ZNF189: variants seen among roughly 807,000 people sequenced by gnomAD.
ZNF189 encodes zinc finger protein 189.
ZNF189 carries 33 observed loss-of-function variants against 53.5 expected under a neutral mutation model. The ratio of observed to expected loss-of-function variants is 0.62; its 90% CI spans 0.47 to 0.82. The LOEUF (loss-of-function observed/expected upper bound fraction) is 0.82, where lower values mean the gene tolerates loss of function less well. Ranked by LOEUF, ZNF189 falls within the 40% of genes least tolerant of loss-of-function variation. ZNF189 has a pLI of 0.00. For synonymous variants in ZNF189, 247 were observed against 238.8 expected, an observed-to-expected ratio of 1.03 and a Z score of -0.32; for missense variants, 711 against 753.9, an observed-to-expected ratio of 0.94 and a Z score of 0.67.
chr9:101,409,666 A>G lies in ZNF189; in HGVS notation c.*17A>G, dbSNP rs561264739. On this transcript the variant is annotated 3_prime_UTR_variant, in exon 3 of 3. Transcript: ENST00000339664. ...ATGCAATAAATGTAGAGCAATACAT[A>G]AGCTCAATTTGATTTGAGACTAGTA... 1.9e-6 allele frequency: 3 copies of G among 1,574,496 alleles called. No individual in the cohort carries two copies. The African/African-American group carries it at 4.1e-5, about 21-fold the overall frequency.
Position 101,399,875 on chromosome 9 carries a change from C to T in ZNF189, c.34-9C>T, listed in dbSNP as rs764825482. On this transcript the variant is annotated splice_polypyrimidine_tract_variant and intron_variant, in intron 1 of 2. Coordinates refer to ENST00000339664, the MANE Select transcript of ZNF189 (RefSeq NM_003452.4). The stretch of plus-strand genomic sequence containing the variant: ...ACAGGAACTGACTACAGAAATCATA[C>T]TATTTCAGGGGTTGCTGACATTTGA... 1 of 1,614,000 alleles carries T rather than the reference C, an allele frequency of 6.2e-7. No homozygotes were observed. The highest frequency in any genetic ancestry group is 1.7e-5 in the Admixed American group (1 of 59,992).
rs772971752 is a variant in ZNF189, at chr9:101,408,261, C to G, written c.493C>G (p.Gln165Glu). Residue 165 changes from glutamine to glutamate, a missense_variant, in exon 3 of 3, where the codon CAA becomes GAA. Gln to Glu is a conservative substitution (Grantham distance 29, BLOSUM62 2). Transcript: ENST00000339664. ...TTTTGTCCGCAAGGCCCATTTCATT[C>G]AACATCAAAGGGTCCATACTGGTGA... ...KGFVRKAHFI[Q>E]HQRVHTGEKP... 2 of 1,614,152 alleles carry G rather than the reference C, an allele frequency of 1.2e-6. No homozygotes were observed. Among genetic ancestry groups the G allele is most frequent in the South Asian group, 1.1e-5 (1 of 91,088 alleles).
chr9:101,399,128 A>C lies in ZNF189; in HGVS notation c.-29A>C, dbSNP rs1420243270. ...GGCTCCTTTCCGTGAGGCCGCCCCC[A>C]ATTCCTGCCCCTATTCTCTGCCTGG... is the stretch of plus-strand genomic sequence containing the variant. On this transcript the variant is annotated 5_prime_UTR_variant, in exon 1 of 3. Transcript: ENST00000339664. The C allele has an allele frequency of 1.9e-6, 3 of 1,568,004 alleles. No individual in the cohort carries two copies. Among genetic ancestry groups the C allele is most frequent in the Non-Finnish European group, 2.6e-6 (3 of 1,139,658 alleles).
At chr9:101,399,832 A>G in intron 1 of ZNF189, 52 bp from the exon 2 acceptor site, 1 of 1,611,296 alleles carries the variant, frequency 6.2e-7, no homozygotes, top group Non-Finnish European at 8.5e-7. Flanking sequence ...TTTTAGTGGT[A>G]GAATTGTCCT....
At chr9:101,402,163 AC>A (rs1388999400) in intron 2 of ZNF189, among the ~76,000 whole-genome samples, 2 of 152,100 alleles carry the variant, frequency 1.3e-5, no homozygotes, top group Non-Finnish European at 2.9e-5. Flanking sequence ...TGATCCGCCC[AC>A]CTTGGCCTCC....
rs751076025 is a variant in ZNF189 at position 101,409,071 on chromosome 9, G to A, written c.1303G>A (p.Glu435Lys). Residue 435 changes from glutamate to lysine, a missense_variant, in exon 3 of 3, where the codon GAA becomes AAA. Transcript: ENST00000339664. ...GACTTATCCATACAATGAAACTAAG[G>A]AAAGTTTTGATCCAAATTGCAGTCT... The part of the protein sequence containing the change: ...EKTYPYNETK[E>K]SFDPNCSLVI... 11 of 1,613,790 alleles carry A rather than the reference G, an allele frequency of 6.8e-6. No individual in the cohort carries two copies. The highest frequency in any genetic ancestry group is 1.7e-5 in the Admixed American group (1 of 59,984).
In ZNF189 at chr9:101,399,584, G is replaced by A. The variant is rs1830454506; in HGVS notation, c.34-300G>A. 6 of 1,293,806 alleles carry A rather than the reference G, an allele frequency of 4.6e-6. No individual in the cohort carries two copies. In the South Asian group the frequency reaches 8.8e-5, roughly 19 times the overall value. The allele number at this position is 1,293,806 out of a possible 1,614,324, so 80.1% of individuals were successfully genotyped here. ...GAATTGAATAGAGTCACAAGCCAGTGCAAATGGAAAATTGAAGTAGGCAAT... is the reference window on the plus strand; with the variant it reads ...GAATTGAATAGAGTCACAAGCCAGTACAAATGGAAAATTGAAGTAGGCAAT... On this transcript the variant is annotated intron_variant, in intron 1 of 2. Coordinates refer to ENST00000339664, the MANE Select transcript of ZNF189 (RefSeq NM_003452.4).
chr9:101,406,874 T>C (rs988380296), intron 2 of ZNF189, among the ~76,000 whole-genome samples: 3 of 152,210 alleles, frequency 2.0e-5, no homozygotes, highest in African/African-American at 4.8e-5. Context: ...CTTCAACACA[T>C]GCAAGATTTT....
chr9:101,399,229 G>T (rs571045094), intron 1 of ZNF189, 40 bp downstream of exon 1: 1 of 1,542,480 alleles, frequency 6.5e-7, no homozygotes, highest in Non-Finnish European at 8.9e-7. Context: ...TTGTCTCGCC[G>T]CTACCCCAGC....
rs1415450023 is a variant in ZNF189, at chr9:101,409,353, C to T, written c.1585C>T (p.Arg529Ter). 16 of 1,613,972 alleles carry T rather than the reference C, an allele frequency of 9.9e-6. No homozygotes were observed. Among genetic ancestry groups the T allele is most frequent in the Admixed American group, 3.3e-5 (2 of 59,988 alleles). The change falls in exon 3 of 3, where the codon CGA becomes TGA. Residue 529 changes from arginine to a stop codon, truncating the protein, a stop_gained. Coordinates refer to ENST00000339664, the MANE Select transcript of ZNF189 (RefSeq NM_003452.4). LOFTEE classifies it high-confidence loss of function. ...CTTTAGTCAGCTTTGTAATCTTATTCGACATCAGGGTGTTCACACAGGTAA... is the reference window on the plus strand; with the variant it reads ...CTTTAGTCAGCTTTGTAATCTTATTTGACATCAGGGTGTTCACACAGGTAA... ...KSFSQLCNLI[R>*]HQGVHTGNKP...
chr9:101,408,905 A>G lies in ZNF189; in HGVS notation c.1137A>G (p.Lys379=), dbSNP rs1427146125. 2 of 1,613,830 alleles carry G rather than the reference A, an allele frequency of 1.2e-6. No individual in the cohort carries two copies. The highest frequency in any genetic ancestry group is 8.5e-7 in the Non-Finnish European group (1 of 1,179,992). ...ERPYQCKECG[K]SFSQLCNLTR... ...CTTATCAGTGCAAAGAGTGTGGGAA[A>G]AGTTTCAGTCAGCTTTGCAACCTTA... The change falls in exon 3 of 3, where the codon AAA becomes AAG. Residue 379 remains lysine, a synonymous_variant. Coordinates refer to ENST00000339664, the MANE Select transcript of ZNF189 (RefSeq NM_003452.4).
rs1325287890 is a variant in ZNF189, at chr9:101,410,236, C to T, written c.*587C>T. The T allele has an allele frequency of 6.6e-6, 1 of 152,632 alleles. No homozygotes were observed. The highest frequency in any genetic ancestry group is 1.5e-5 in the Non-Finnish European group (1 of 68,052). The allele number at this position is 152,632 out of a possible 1,614,324, so 9.5% of individuals were successfully genotyped here. ...ATCTATGAAATGAGTGGACCATTAA[C>T]CTTACATGTAAAGATTATGTTAGTA... On this transcript the variant is annotated 3_prime_UTR_variant, in exon 3 of 3. Coordinates refer to ENST00000339664, the MANE Select transcript of ZNF189 (RefSeq NM_003452.4).
rs543123767 is a variant in ZNF189 at position 101,404,579 on chromosome 9, C to A, written c.161-3350C>A. Among the ~76,000 whole-genome samples the A allele has an allele frequency of 8.5e-4, 130 of 152,202 alleles. 1 individual carries two copies. The highest frequency in any genetic ancestry group is 3.1e-3 in the African/African-American group (128 of 41,536). On this transcript the variant is annotated intron_variant, in intron 2 of 2. Coordinates refer to ENST00000339664, the MANE Select transcript of ZNF189 (RefSeq NM_003452.4). ...TGTTACTATTGTGAAGCATTTATAT[C>A]ATTTCTGTATAATATTTACTAACTT... is the stretch of plus-strand genomic sequence containing the variant.
In ZNF189 at chr9:101,409,990, G is replaced by T. The variant is rs1488303932; in HGVS notation, c.*341G>T. 2 of 193,088 alleles carry T rather than the reference G, an allele frequency of 1.0e-5. No homozygotes were observed. Among genetic ancestry groups the T allele is most frequent in the Admixed American group, 5.5e-5 (1 of 18,032 alleles). The allele number at this position is 193,088 out of a possible 1,614,324, so 12.0% of individuals were successfully genotyped here. ...AGCTGATAGTGGAAAACAGAATAAT[G>T]ATTCAAAGAGTCTTCTGTCACCATG... On this transcript the variant is annotated 3_prime_UTR_variant, in exon 3 of 3. Transcript: ENST00000339664.
chr9:101,409,703 T>A lies in ZNF189; in HGVS notation c.*54T>A. 6.5e-7 allele frequency: 1 copy of A among 1,529,578 alleles called. No individual in the cohort carries two copies. The highest frequency in any genetic ancestry group is 8.7e-7 in the Non-Finnish European group (1 of 1,144,494). 94.8% of individuals were successfully genotyped at this position (1,529,578 alleles called of 1,614,324 possible). ...ATTTGAGACTAGTACCCAAGTGCAG[T>A]TTTAGTATGGCTCAACATGGGTCAG... On this transcript the variant is annotated 3_prime_UTR_variant, in exon 3 of 3. Transcript: ENST00000339664.
At position 101,409,639 on chromosome 9, in the gene ZNF189, G is replaced by A. The variant is rs374890233; in HGVS notation, c.1871G>A (p.Trp624Ter). 6.2e-6 allele frequency: 10 copies of A among 1,606,084 alleles called. No individual in the cohort carries two copies. In the African/African-American group the frequency reaches 1.3e-4, roughly 22 times the overall value. ...LIQHQKLHTA[W>*]MQ ...CAGCATCAGAAATTGCACACAGCAT[G>A]GATGCAATAAATGTAGAGCAATACA... The change falls in exon 3 of 3, where the codon TGG (tryptophan) becomes TAG (stop). Residue 624 changes from tryptophan (W) to a stop codon, truncating the protein, a stop_gained. Transcript: ENST00000339664. LOFTEE classifies it high-confidence loss of function.
intron 2 of ZNF189, among the ~76,000 whole-genome samples, chr9:101,404,922 T>A (rs1830657690): frequency 6.6e-6 from 1 of 152,232 alleles, no homozygotes; most frequent in South Asian, 2.1e-4. Flanking sequence ...AACACCTGAA[T>A]CTGTCTAGTG....
intron 2 of ZNF189, among the ~76,000 whole-genome samples, chr9:101,403,098 ATGTG>A (rs3983733): frequency 6.7e-5 from 10 of 148,674 alleles, no homozygotes; most frequent in Middle Eastern, 3.5e-3. Flanking sequence ...AGCTGCTGAT[ATGTG>A]TGTGTGTGTG....
chr9:101,409,711 T>C lies in ZNF189; in HGVS notation c.*62T>C, dbSNP rs951307576. On this transcript the variant is annotated 3_prime_UTR_variant, in exon 3 of 3. Coordinates refer to ENST00000339664, the MANE Select transcript of ZNF189 (RefSeq NM_003452.4). ...CTAGTACCCAAGTGCAGTTTTAGTA[T>C]GGCTCAACATGGGTCAGATTTAGTG... 6.6e-7 allele frequency: 1 copy of C among 1,506,366 alleles called. No homozygotes were observed. Among genetic ancestry groups the C allele is most frequent in the Non-Finnish European group, 8.8e-7 (1 of 1,131,880 alleles). The allele number at this position is 1,506,366 out of a possible 1,614,324, so 93.3% of individuals were successfully genotyped here. A position where few individuals can be genotyped will look rare whatever the true frequency, so the allele number is the denominator to read the frequency against.
Sources: gnomAD v4.1 joint callset for allele counts (sites outside exome capture counted in the v4.1 genomes callset) on GRCh38, gnomAD v4.1.1 for gene constraint, MANE v1.5 for transcripts, NCBI Gene and HGNC (gene_info 2026-07-23, HGNC 2026-07-21) for gene names.